Variants in MYLK observed in about 807,000 individuals in gnomAD.
MYLK encodes the protein myosin light chain kinase, smooth muscle.
Under a neutral mutation model 203.4 loss-of-function variants are expected in MYLK, and 106 were observed. The observed-to-expected ratio is 0.52, with a 90% CI of 0.45 to 0.61. The LOEUF (loss-of-function observed/expected upper bound fraction) is 0.61. Ranked by LOEUF, MYLK falls within the 20% of genes least tolerant of loss-of-function variation. The pLI is 0.00. For missense variants in MYLK, 2,072 were observed against 2,442.3 expected, an observed-to-expected ratio of 0.85 and a Z score of 3.20; for synonymous variants, 867 against 959.5, an observed-to-expected ratio of 0.90 and a Z score of 1.78.
intron 2 of MYLK, among the ~76,000 whole-genome samples, chr3:123,850,491 C>T (rs1194294477): frequency 6.6e-6 from 1 of 152,176 alleles, no homozygotes; most frequent in Non-Finnish European, 1.5e-5. Flanking sequence ...TCTCTGATGG[C>T]CAGTGATGAT....
At chr3:123,759,732 T>C (rs2063474879) in intron 4 of MYLK, among the ~76,000 whole-genome samples, 1 of 152,200 alleles carries the variant, frequency 6.6e-6, no homozygotes, top group Non-Finnish European at 1.5e-5. Flanking sequence ...GCTGTCTCTT[T>C]TCACAGAGAC....
intron 4 of MYLK, among the ~76,000 whole-genome samples, chr3:123,769,192 A>G (rs1447575816): frequency 2.0e-5 from 3 of 152,188 alleles, no homozygotes; most frequent in African/African-American, 4.8e-5. Flanking sequence ...ATCAGGATAC[A>G]TTATCTGATG....
rs774187263 is a variant in MYLK, at chr3:123,707,884, A to G, written c.2260T>C (p.Trp754Arg). 1.9e-5 allele frequency: 31 copies of G among 1,609,998 alleles called. No individual in the cohort carries two copies. The highest frequency in any genetic ancestry group is 2.5e-5 in the Non-Finnish European group (29 of 1,177,164). The change falls in exon 16 of 34, where the codon TGG becomes CGG. Residue 754 changes from tryptophan (W) to arginine (R), a missense_variant. Trp to Arg is a moderately radical substitution (Grantham distance 101). Around this residue, in one of 3 missense-constraint regions of MYLK, gnomAD observed 865 missense variants for 1,016.0 expected, o/e 0.85. Transcript: ENST00000360304. ...CAGAGGGCTTTGCCATCTCTGAGCCAGTGCACGGTAGGAAAGGGGTCACCA... is the reference window on the plus strand; with the variant it reads ...CAGAGGGCTTTGCCATCTCTGAGCCGGTGCACGGTAGGAAAGGGGTCACCA... ...IAGDPFPTVH[W>R]LRDGKALCKD...
At chr3:123,799,237 C>G (rs2065107463) in intron 3 of MYLK, among the ~76,000 whole-genome samples, 1 of 143,730 alleles carries the variant, frequency 7.0e-6, no homozygotes, top group South Asian at 2.4e-4. Context: ...CTAAATGAGG[C>G]TTTCACAAGT....
intron 1 of MYLK, among the ~76,000 whole-genome samples, chr3:123,878,623 C>G (rs1175827148): frequency 6.6e-6 from 1 of 152,192 alleles, no homozygotes; most frequent in Non-Finnish European, 1.5e-5. Context: ...GTTCACCTTC[C>G]TATGCCATCA....
At chr3:123,773,295 A>C (rs958495710) in intron 4 of MYLK, among the ~76,000 whole-genome samples, 9 of 152,222 alleles carry the variant, frequency 5.9e-5, no homozygotes, top group African/African-American at 1.9e-4. Context: ...AGAAATAAAA[A>C]GGAAATCTAC....
At chr3:123,686,129 T>C (rs143463780) in intron 19 of MYLK, among the ~76,000 whole-genome samples, 1 of 152,194 alleles carries the variant, frequency 6.6e-6, no homozygotes. Flanking sequence ...AATAGTAATA[T>C]AAGTTTAAGA....
At chr3:123,636,980 C>T (rs1400620606) in intron 29 of MYLK, among the ~76,000 whole-genome samples, 1 of 152,210 alleles carries the variant, frequency 6.6e-6, no homozygotes, top group African/African-American at 2.4e-5. Context: ...GCTTTTATAA[C>T]ACTGGTTTCT....
rs1260280566 is a variant in MYLK at position 123,694,970 on chromosome 3, G to C, written c.3449-2119C>G. On this transcript the variant is annotated intron_variant, in intron 18 of 33. Coordinates refer to ENST00000360304, the MANE Select transcript of MYLK (RefSeq NM_053025.4). ...GTGGGGAATTCTGAGAGGGAGATGAGGGGGATGGGAGAGGTCAGCATCACT... is the reference window on the plus strand; with the variant it reads ...GTGGGGAATTCTGAGAGGGAGATGACGGGGATGGGAGAGGTCAGCATCACT... Among the ~76,000 whole-genome samples, 8 of 152,380 alleles carry C rather than the reference G, an allele frequency of 5.3e-5. No homozygotes were observed. The East Asian group carries it at 1.3e-3, about 26-fold the overall frequency.
chr3:123,854,561 A>G (rs2031177807), intron 2 of MYLK, among the ~76,000 whole-genome samples: 1 of 152,036 alleles, frequency 6.6e-6, no homozygotes, highest in Admixed American at 6.6e-5. Context: ...TTTTCTTTCC[A>G]AAACATATCC....
At chr3:123,867,793 C>T (rs1018360568) in intron 2 of MYLK, among the ~76,000 whole-genome samples, 1 of 152,214 alleles carries the variant, frequency 6.6e-6, no homozygotes, top group Non-Finnish European at 1.5e-5. Flanking sequence ...CATAAAAAGT[C>T]TGAAGCCACA....
At chr3:123,883,348 T>A (rs1359976892) in intron 1 of MYLK, among the ~76,000 whole-genome samples, 1 of 152,090 alleles carries the variant, frequency 6.6e-6, no homozygotes, top group Non-Finnish European at 1.5e-5. Flanking sequence ...TCACAACAGC[T>A]AATTTTACTC....
rs1345293379 is a variant in MYLK at position 123,692,867 on chromosome 3, T to G, written c.3449-16A>C. ...CAGAGTGAGCCTGGGGAGGAAGAAT[T>G]GTGGAGTGAACCAGGTGTGGTCGTA... is the stretch of plus-strand genomic sequence containing the variant. On this transcript the variant is annotated splice_polypyrimidine_tract_variant and intron_variant, in intron 18 of 33. Coordinates refer to ENST00000360304, the MANE Select transcript of MYLK (RefSeq NM_053025.4). 6.2e-7 allele frequency: 1 copy of G among 1,606,126 alleles called. No homozygotes were observed. The highest frequency in any genetic ancestry group is 1.1e-5 in the South Asian group (1 of 90,920).
intron 29 of MYLK, among the ~76,000 whole-genome samples, 161 bp downstream of exon 29, chr3:123,637,907 GGCT>G (rs1017112349): frequency 9.9e-5 from 15 of 152,210 alleles, no homozygotes; most frequent in African/African-American, 3.6e-4. Flanking sequence ...GAGCAGGGTG[GGCT>G]GCCAGGGATA....
At chr3:123,657,603 C>T (rs1221348597) in intron 23 of MYLK, among the ~76,000 whole-genome samples, 175 bp from the exon 24 acceptor site, 1 of 152,210 alleles carries the variant, frequency 6.6e-6, no homozygotes, top group African/African-American at 2.4e-5. Context: ...TACAAACCCA[C>T]CTGTACGGAA....
At chr3:123,686,803 G>A (rs966614842) in intron 19 of MYLK, among the ~76,000 whole-genome samples, 3 of 152,216 alleles carry the variant, frequency 2.0e-5, no homozygotes, top group Non-Finnish European at 4.4e-5. Flanking sequence ...ACGGTGCTAA[G>A]TACTTTGTAT....
Position 123,692,724 on chromosome 3 carries a change from G to A in MYLK, c.3565+11C>T, listed in dbSNP as rs200095113. On this transcript the variant is annotated intron_variant, in intron 19 of 33. Coordinates refer to ENST00000360304, the MANE Select transcript of MYLK (RefSeq NM_053025.4). ...GTGTATGGGTGGCGGCGATGGGTGG[G>A]CACGACCTACCATCCACGGTGACTT... 43 of 1,600,166 alleles carry A rather than the reference G, an allele frequency of 2.7e-5. No homozygotes were observed. The African/African-American group carries it at 4.3e-4, about 16-fold the overall frequency.
rs370876363 is a variant in MYLK at position 123,790,676 on chromosome 3, C to T, written c.165+3001G>A. ...GTAGGCAACAGTTCTTAACGTCTTA[C>T]GAGAATAAAAACCAAAAGCACACAT... On this transcript the variant is annotated intron_variant, in intron 4 of 33. Transcript: ENST00000360304. Among the ~76,000 whole-genome samples, 80 of 152,296 alleles carry T rather than the reference C, an allele frequency of 5.3e-4. 1 individual carries two copies. The South Asian group carries it at 0.015, about 28-fold the overall frequency.
intron 16 of MYLK, among the ~76,000 whole-genome samples, chr3:123,705,146 C>T (rs1237495614): frequency 1.3e-5 from 2 of 150,964 alleles, no homozygotes; most frequent in Non-Finnish European, 2.9e-5. Flanking sequence ...ACCGGACCCC[C>T]GGCTTCCTCC....
Sources: gnomAD v4.1 joint callset for allele counts (sites outside exome capture counted in the v4.1 genomes callset) on GRCh38, gnomAD v4.1.1 for gene constraint, gnomAD v4.1.1 regional missense constraint, MANE v1.5 for transcripts, NCBI Gene and HGNC (gene_info 2026-07-23, HGNC 2026-07-21) for gene names.